The following EPPK1 variants were observed in gnomAD, a reference collection of about 807,000 sequenced individuals.
EPPK1 encodes the protein epiplakin.
For synonymous variants in EPPK1, 1,862 were observed against 1,721.2 expected (o/e 1.08, Z -2.03); for missense variants, 3,823 against 3,673.3 (o/e 1.04, Z -1.05).
chr8:143,866,629 C>G lies in EPPK1; in HGVS notation c.6625G>C (p.Glu2209Gln), dbSNP rs782572227. Residue 2209 changes from glutamate to glutamine, a missense_variant, in exon 2 of 2, where the codon GAG (glutamate) becomes CAG (glutamine). By Grantham distance (29) the Glu-to-Gln change is conservative. Coordinates refer to ENST00000615648, the MANE Select transcript of EPPK1 (RefSeq NM_031308.4). ...TTGACGCGGTCGTCCTCCATGAGCT[C>G]TTGCGTCGTGCTCCGTCCCGTTTCC... is the stretch of plus-strand genomic sequence containing the variant. ...DLETGRSTTQELMEDDRVKRY... is the reference protein window; with the variant it reads ...DLETGRSTTQQLMEDDRVKRY... The G allele has an allele frequency of 3.7e-6, 6 of 1,612,884 alleles. No homozygotes were observed. In the South Asian group the frequency reaches 4.4e-5, roughly 12 times the overall value.
Position 143,868,306 on chromosome 8 carries a change from T to A in EPPK1, c.4948A>T (p.Thr1650Ser). The change falls in exon 2 of 2, where the codon ACC (threonine) becomes TCC (serine). Residue 1650 changes from threonine to serine, a missense_variant. By Grantham distance (58) the Thr-to-Ser change is moderately conservative. Transcript: ENST00000615648. ...VKLLSAERAV[T>S]GYTDPYTGQQ... ...CCGGTATAGGGGTCGGTGTAGCCGG[T>A]GACGGCGCGCTCGGCCGACAGCAGC... 1 of 1,613,162 alleles carries A rather than the reference T, an allele frequency of 6.2e-7. No homozygotes were observed. Among genetic ancestry groups the A allele is most frequent in the Non-Finnish European group, 8.5e-7 (1 of 1,180,006 alleles).
In EPPK1 at chr8:143,857,978, G is replaced by GA. The variant is rs1563873646; in HGVS notation, c.*8dup. 1.3e-6 allele frequency: 2 copies of GA among 1,564,806 alleles called. No individual in the cohort carries two copies. The highest frequency in any genetic ancestry group is 1.7e-6 in the Non-Finnish European group (2 of 1,150,790). On this transcript the variant is annotated 3_prime_UTR_variant, in exon 2 of 2. Coordinates refer to ENST00000615648, the MANE Select transcript of EPPK1 (RefSeq NM_031308.4). ...CAGAGTTGCAGAAAACTGCACGGAG[G>GA]AAGCCCAGTCACTGTAGAGAGAGAG...
Position 143,869,193 on chromosome 8 carries a change from G to A in EPPK1, c.4061C>T (p.Pro1354Leu). The change falls in exon 2 of 2, where the codon CCC becomes CTC. Residue 1354 changes from proline (P) to leucine (L), a missense_variant. By Grantham distance (98) the Pro-to-Leu change is moderately conservative (BLOSUM62 -3). Coordinates refer to ENST00000615648, the MANE Select transcript of EPPK1 (RefSeq NM_031308.4). ...KGLVPQNEGL[P>L]LLQVQLATGG... is the part of the protein sequence containing the mutation. ...TGTGGCCAGCTGCACCTGCAGGAGGGGCAAGCCCTCGTTCTGTGGCACGAG... is the reference window on the plus strand; with the variant it reads ...TGTGGCCAGCTGCACCTGCAGGAGGAGCAAGCCCTCGTTCTGTGGCACGAG... 1 of 1,609,552 alleles carries A rather than the reference G, an allele frequency of 6.2e-7. No homozygotes were observed. Among genetic ancestry groups the A allele is most frequent in the African/African-American group, 1.3e-5 (1 of 75,050 alleles).
At position 143,870,875 on chromosome 8, in the gene EPPK1, C is replaced by A. The variant is rs201912091; in HGVS notation, c.2379G>T (p.Leu793=). ...ERCVRDPETG[L]YLLPLSSTQS... is the part of the protein sequence containing the mutation. ...GCGTGCTGCTGAGTGGCAGGAGGTA[C>A]AGGCCCGTCTCGGGGTCACGCACAC... is the stretch of plus-strand genomic sequence containing the variant. The change falls in exon 2 of 2, where the codon CTG becomes CTT. Residue 793 remains leucine (L), a synonymous_variant. Transcript: ENST00000615648. The surrounding 1 kb of genome is among the most constrained non-coding windows in gnomAD (Gnocchi z 5.2). 3.1e-6 allele frequency: 5 copies of A among 1,612,966 alleles called. No individual in the cohort carries two copies. The highest frequency in any genetic ancestry group is 4.2e-6 in the Non-Finnish European group (5 of 1,179,908).
At position 143,867,726 on chromosome 8, in the gene EPPK1, T is replaced by C; in HGVS notation, c.5528A>G (p.Gln1843Arg). 6.2e-7 allele frequency: 1 copy of C among 1,613,732 alleles called. No homozygotes were observed. The highest frequency in any genetic ancestry group is 8.5e-7 in the Non-Finnish European group (1 of 1,179,858). The change falls in exon 2 of 2, where the codon CAA becomes CGA. Residue 1843 changes from glutamine (Q) to arginine (R), a missense_variant. Transcript: ENST00000615648. ...TCTGATGGCCGCCACTTTGATGCCTTGGTTTTGCGTCTCTGTTTCTTCAAT... is the reference window on the plus strand; with the variant it reads ...TCTGATGGCCGCCACTTTGATGCCTCGGTTTTGCGTCTCTGTTTCTTCAAT... Reference protein sequence around the residue: ...TTIEETETQNQGIKVAAIRGE... With the variant: ...TTIEETETQNRGIKVAAIRGE...
chr8:143,872,628 A>T lies in EPPK1; in HGVS notation c.626T>A (p.Leu209Gln). The change falls in exon 2 of 2, where the codon CTG (leucine) becomes CAG (glutamine). Residue 209 changes from leucine (L) to glutamine (Q), a missense_variant. By Grantham distance (113) the Leu-to-Gln change is moderately radical (BLOSUM62 -2). Transcript: ENST00000615648. ...CCTTTCCAGCAGCTGGTGGTATGTC[A>T]GCCGCTCCAGCGTGTTGGGGTCGAG... is the stretch of plus-strand genomic sequence containing the variant. ...RFLDPNTLER[L>Q]TYHQLLERCV... is the part of the protein sequence containing the mutation. 1 of 1,609,906 alleles carries T rather than the reference A, an allele frequency of 6.2e-7. No individual in the cohort carries two copies. Among genetic ancestry groups the T allele is most frequent in the Non-Finnish European group, 8.5e-7 (1 of 1,179,518 alleles).
Position 143,871,481 on chromosome 8 carries a change from G to A in EPPK1, c.1773C>T (p.Ala591=), listed in dbSNP as rs1041366088. The A allele has an allele frequency of 6.2e-7, 1 of 1,609,382 alleles. No individual in the cohort carries two copies. Among genetic ancestry groups the A allele is most frequent in the Admixed American group, 1.7e-5 (1 of 59,658 alleles). ...DLYERLEHGQ[A]TAKDVGSLAS... The stretch of plus-strand genomic sequence containing the variant: ...CCAGGCTGCCCACATCCTTGGCTGT[G>A]GCCTGTCCATGCTCCAGCCGCTCGT... Residue 591 remains alanine, a synonymous_variant, in exon 2 of 2, where the codon GCC becomes GCT. Coordinates refer to ENST00000615648, the MANE Select transcript of EPPK1 (RefSeq NM_031308.4).
In EPPK1 at chr8:143,871,551, G is replaced by A; in HGVS notation, c.1703C>T (p.Thr568Ile). The change falls in exon 2 of 2, where the codon ACA (threonine) becomes ATA (isoleucine). Residue 568 changes from threonine (T) to isoleucine (I), a missense_variant. Thr to Ile is a moderately conservative substitution (Grantham distance 89). Transcript: ENST00000615648. Reference sequence around the variant, plus strand: ...CTCGGCTTTCAGCAGCTCTCCTGGTGTCACGGTGTCCCTCAGCCCAGAAAA... The same window carrying A: ...CTCGGCTTTCAGCAGCTCTCCTGGTATCACGGTGTCCCTCAGCCCAGAAAA... ...VTFSGLRDTV[T>I]PGELLKAEII... The A allele has an allele frequency of 6.2e-7, 1 of 1,610,126 alleles. No homozygotes were observed. The highest frequency in any genetic ancestry group is 8.5e-7 in the Non-Finnish European group (1 of 1,178,972).
rs782434357 is a variant in EPPK1 at position 143,866,841 on chromosome 8, T to C, written c.6413A>G (p.Gln2138Arg). Residue 2138 changes from glutamine (Q) to arginine (R), a missense_variant, in exon 2 of 2, where the codon CAG (glutamine) becomes CGG (arginine). Gln to Arg is a conservative substitution (Grantham distance 43). Coordinates refer to ENST00000615648, the MANE Select transcript of EPPK1 (RefSeq NM_031308.4). Reference sequence around the variant, plus strand: ...GTGTGTTCTATACATCCTCACCAGCTGGAGCTTCTTCTCCTCTGTCACGTA... The same window carrying C: ...GTGTGTTCTATACATCCTCACCAGCCGGAGCTTCTTCTCCTCTGTCACGTA... ...SEYVTEEKKL[Q>R]LVRMYRTHTR... 1.2e-6 allele frequency: 2 copies of C among 1,613,300 alleles called. No homozygotes were observed. The highest frequency in any genetic ancestry group is 1.7e-6 in the Non-Finnish European group (2 of 1,179,874).
In EPPK1 at chr8:143,868,475, C is replaced by T. The variant is rs782800740; in HGVS notation, c.4779G>A (p.Arg1593=). ...GGGCTGTGCCAGGCCGCAGGATGTG[C>T]CTCCTCAGGGCCTCTGGGATGCTCA... ...ERMSIPEALR[R]HILRPGTALV... is the part of the protein sequence containing the mutation. The change falls in exon 2 of 2, where the codon AGG becomes AGA. Residue 1593 remains arginine, a synonymous_variant. Transcript: ENST00000615648. 1.9e-6 allele frequency: 3 copies of T among 1,612,134 alleles called. No individual in the cohort carries two copies. In the Admixed American group the frequency reaches 5.0e-5, roughly 27 times the overall value.
rs1819103401 is a variant in EPPK1 at position 143,866,315 on chromosome 8, GGGGTCGGTGT to G, written c.6929_6938del (p.Tyr2310SerfsTer60). ...AGAGGGAGATCTGCTGCCCGGTGTA[GGGGTCGGTGT>G]AGCCGGTGACGGCGCGCTCGGCCGA... is the stretch of plus-strand genomic sequence containing the variant. On this transcript the variant is annotated frameshift_variant, in exon 2 of 2. Transcript: ENST00000615648. LOFTEE classifies it low-confidence loss of function (END_TRUNC). The G allele has an allele frequency of 3.8e-6, 2 of 528,288 alleles. No individual in the cohort carries two copies. Among genetic ancestry groups the G allele is most frequent in the African/African-American group, 3.9e-5 (1 of 25,838 alleles). The allele number at this position is 528,288 out of a possible 1,614,324, so 32.7% of individuals were successfully genotyped here. A position where few individuals can be genotyped will look rare whatever the true frequency, so the allele number is the denominator to read the frequency against.
rs782565300 is a variant in EPPK1, at chr8:143,868,997, C to T, written c.4257G>A (p.Glu1419=). 4 of 1,610,322 alleles carry T rather than the reference C, an allele frequency of 2.5e-6. No individual in the cohort carries two copies. The highest frequency in any genetic ancestry group is 3.4e-6 in the Non-Finnish European group (4 of 1,179,844). ...RDQVTYQQLR[E]RCVCDSETGL... is the part of the protein sequence containing the mutation. ...CGGTCTCGGAGTCGCACACGCAGCG[C>T]TCCCTGAGCTGCTGGTAGGTCACCT... is the stretch of plus-strand genomic sequence containing the variant. Residue 1419 remains glutamate, a synonymous_variant, in exon 2 of 2, where the codon GAG becomes GAA. Coordinates refer to ENST00000615648, the MANE Select transcript of EPPK1 (RefSeq NM_031308.4).
rs782749055 is a variant in EPPK1 at position 143,869,036 on chromosome 8, G to T, written c.4218C>A (p.Pro1406=). Residue 1406 remains proline, a synonymous_variant, in exon 2 of 2, where the codon CCC becomes CCA. Coordinates refer to ENST00000615648, the MANE Select transcript of EPPK1 (RefSeq NM_031308.4). ...VDKDNKFFFD[P]SARDQVTYQQ... ...GGTAGGTCACCTGGTCCCGCGCACT[G>T]GGGTCAAAGAAGAACTTGTTGTCCT... The T allele has an allele frequency of 1.2e-6, 2 of 1,609,880 alleles. No individual in the cohort carries two copies. Among genetic ancestry groups the T allele is most frequent in the Non-Finnish European group, 1.7e-6 (2 of 1,179,830 alleles).
rs782363947 is a variant in EPPK1, at chr8:143,870,105, A to T, written c.3149T>A (p.Ile1050Asn). 2 of 1,610,682 alleles carry T rather than the reference A, an allele frequency of 1.2e-6. No individual in the cohort carries two copies. Among genetic ancestry groups the T allele is most frequent in the East Asian group, 4.5e-5 (2 of 44,818 alleles). ...LEAQVATGGI[I>N]DPTSHHHLPM... ...GAGGTGGTGGTGGCTGGTGGGGTCA[A>T]TGATCCCTCCTGTGGCCACTTGAGC... is the stretch of plus-strand genomic sequence containing the variant. Residue 1050 changes from isoleucine to asparagine, a missense_variant, in exon 2 of 2, where the codon ATT becomes AAT. Physicochemically the swap from Ile to Asn is moderately radical, Grantham distance 149. Transcript: ENST00000615648. The surrounding 1 kb of genome is among the most constrained non-coding windows in gnomAD (Gnocchi z 5.2).
Position 143,872,124 on chromosome 8 carries a change from AG to A in EPPK1, c.1129del (p.Leu377PhefsTer5), listed in dbSNP as rs1554661447. On this transcript the variant is annotated frameshift_variant, in exon 2 of 2. Coordinates refer to ENST00000615648, the MANE Select transcript of EPPK1 (RefSeq NM_031308.4). LOFTEE classifies it low-confidence loss of function (END_TRUNC). ...HDPFSGSQIP[L>X]FQAMKKGLVD... is the part of the protein sequence containing the mutation. ...TAGCCCCTTCTTCATGGCCTGGAAA[AG>A]GGGGATTTGGGAGCCACTGAAGGGG... 4.5e-6 allele frequency: 7 copies of A among 1,565,780 alleles called. No individual in the cohort carries two copies. Among genetic ancestry groups the A allele is most frequent in the Admixed American group, 1.9e-5 (1 of 51,440 alleles).
chr8:143,873,274 G>A lies in EPPK1; in HGVS notation c.-21C>T. ...CTCATCACACACGGCTGGTTATGCA[G>A]AGCCTGCTGAGGTCCACCTCTGTCC... is the stretch of plus-strand genomic sequence containing the variant. On this transcript the variant is annotated 5_prime_UTR_variant, in exon 2 of 2. Coordinates refer to ENST00000615648, the MANE Select transcript of EPPK1 (RefSeq NM_031308.4). The A allele has an allele frequency of 6.6e-7, 1 of 1,518,378 alleles. No individual in the cohort carries two copies. The allele number at this position is 1,518,378 out of a possible 1,614,324, so 94.1% of individuals were successfully genotyped here.
At position 143,872,114 on chromosome 8, in the gene EPPK1, G is replaced by A; in HGVS notation, c.1140C>T (p.Ala380=). 1 of 1,561,266 alleles carries A rather than the reference G, an allele frequency of 6.4e-7. No homozygotes were observed. The highest frequency in any genetic ancestry group is 1.2e-5 in the South Asian group (1 of 85,390). ...FSGSQIPLFQ[A]MKKGLVDRPL... is the part of the protein sequence containing the mutation. Reference sequence around the variant, plus strand: ...GCCTGTCCACTAGCCCCTTCTTCATGGCCTGGAAAAGGGGGATTTGGGAGC... The same window carrying A: ...GCCTGTCCACTAGCCCCTTCTTCATAGCCTGGAAAAGGGGGATTTGGGAGC... The change falls in exon 2 of 2, where the codon GCC becomes GCT. Residue 380 remains alanine, a synonymous_variant. Transcript: ENST00000615648.
At position 143,857,816 on chromosome 8, in the gene EPPK1, A is replaced by T; in HGVS notation, c.*171T>A. ...ACTTATGAAACACCTCGATGGACAA[A>T]GGAAAAGTTTCTGTCACATGACAAC... On this transcript the variant is annotated 3_prime_UTR_variant, in exon 2 of 2. Coordinates refer to ENST00000615648, the MANE Select transcript of EPPK1 (RefSeq NM_031308.4). The T allele has an allele frequency of 1.8e-6, 1 of 550,486 alleles. No individual in the cohort carries two copies. The highest frequency in any genetic ancestry group is 3.0e-6 in the Non-Finnish European group (1 of 333,018). The allele number at this position is 550,486 out of a possible 1,614,324, so 34.1% of individuals were successfully genotyped here. A position where few individuals can be genotyped will look rare whatever the true frequency, so the allele number is the denominator to read the frequency against.
chr8:143,873,837 T>C (rs1819429920), intron 1 of EPPK1, among the ~76,000 whole-genome samples: 1 of 149,674 alleles, frequency 6.7e-6, no homozygotes, highest in Admixed American at 6.6e-5. Context: ...CACCTGGACC[T>C]GTCACTCCAG....
Sources: allele counts gnomAD v4.1 joint callset (sites outside exome capture counted in the v4.1 genomes callset), GRCh38; gene constraint gnomAD v4.1.1; non-coding constraint Gnocchi (gnomAD v3.1); transcripts MANE v1.5; gene names NCBI Gene and HGNC (gene_info 2026-07-23, HGNC 2026-07-21).